The following NRXN3 variants were observed in gnomAD, a reference collection of about 807,000 sequenced individuals.
NRXN3 encodes neurexin III.
NRXN3 carries 32 observed loss-of-function variants against 137.6 expected under a neutral mutation model. The observed-to-expected ratio is 0.23, with a 90% confidence interval of 0.18 to 0.31. The LOEUF (loss-of-function observed/expected upper bound fraction) is 0.31. Among genes scored for constraint, NRXN3 ranks in the 10% least tolerant of loss-of-function variants. The pLI, the probability that NRXN3 is intolerant of heterozygous loss-of-function variation, is 1.00. For missense variants in NRXN3, 1,574 were observed against 2,062.5 expected (o/e 0.76, Z 4.59); for synonymous variants, 798 against 784.5 (o/e 1.02, Z -0.29).
At chr14:79,043,638 C>T (rs754314925) in intron 15 of NRXN3, among the ~76,000 whole-genome samples, 1 of 152,098 alleles carries the variant, frequency 6.6e-6, no homozygotes, top group South Asian at 2.1e-4. Flanking sequence ...GGGACAGCTC[C>T]TGCTGTACAG....
intron 15 of NRXN3, among the ~76,000 whole-genome samples, chr14:79,078,183 CA>C (rs1370103847): frequency 1.3e-5 from 2 of 152,074 alleles, no homozygotes; most frequent in African/African-American, 4.8e-5. Flanking sequence ...AGGGTAAAAT[CA>C]AACTTTAGAG....
intron 15 of NRXN3, among the ~76,000 whole-genome samples, chr14:79,132,226 T>A (rs571588067): frequency 1.3e-5 from 2 of 152,360 alleles, no homozygotes; most frequent in Admixed American, 1.3e-4. Context: ...CTTTAAAAAT[T>A]GATATTCAAT....
intron 16 of NRXN3, among the ~76,000 whole-genome samples, chr14:79,615,690 A>G (rs2098146421): frequency 6.6e-6 from 1 of 152,004 alleles, no homozygotes; most frequent in Non-Finnish European, 1.5e-5. Context: ...TGAAGGGGGG[A>G]AAAGCCCCGT....
intron 16 of NRXN3, among the ~76,000 whole-genome samples, chr14:79,551,233 C>T (rs955527336): frequency 5.9e-5 from 9 of 152,114 alleles, no homozygotes; most frequent in African/African-American, 1.9e-4. Flanking sequence ...CCTTTCTTTC[C>T]CTCTCATTCT....
intron 4 of NRXN3, among the ~76,000 whole-genome samples, chr14:78,478,458 T>G (rs564743551): frequency 6.6e-6 from 1 of 152,274 alleles, no homozygotes; most frequent in South Asian, 2.1e-4. Flanking sequence ...ATAATATTGA[T>G]TATCTCTCTG....
intron 15 of NRXN3, among the ~76,000 whole-genome samples, chr14:79,316,115 AC>A (rs1286243315): frequency 3.3e-5 from 5 of 152,088 alleles, no homozygotes; most frequent in African/African-American, 7.2e-5. Context: ...TTATTTCTTC[AC>A]ACACACACAG....
At chr14:78,868,486 T>C (rs535739339) in intron 10 of NRXN3, among the ~76,000 whole-genome samples, 123 of 152,206 alleles carry the variant, frequency 8.1e-4, no homozygotes, top group African/African-American at 2.7e-3. Flanking sequence ...AAATGCTAGA[T>C]GGAGTTAGTG....
intron 16 of NRXN3, among the ~76,000 whole-genome samples, chr14:79,659,270 T>G (rs965797570): frequency 6.6e-6 from 1 of 152,092 alleles, no homozygotes; most frequent in African/African-American, 2.4e-5. Flanking sequence ...GTTTTTAATA[T>G]CAAGGAAGAA....
intron 15 of NRXN3, chr14:79,298,662 T>C (rs1409390315): frequency 6.6e-6 from 1 of 152,032 alleles, no homozygotes. Flanking sequence ...GCGTAATCAC[T>C]GGGGTTGTAA....
rs2081020588 is a variant in NRXN3 at position 79,280,109 on chromosome 14, T to TC, written c.3263-187111dup. 2.8e-6 allele frequency: 4 copies of TC among 1,407,742 alleles called. No individual in the cohort carries two copies. In the East Asian group the frequency reaches 1.0e-4, roughly 36 times the overall value. The allele number at this position is 1,407,742 out of a possible 1,614,324, so 87.2% of individuals were successfully genotyped here. A position where few individuals can be genotyped will look rare whatever the true frequency, so the allele number is the denominator to read the frequency against. ...CTTTTTGCCTTTTATCTTTTTTTTT[T>TC]CTTTCTTTAAGTAGTAATTTTTTAA... is the stretch of plus-strand genomic sequence containing the variant. On this transcript the variant is annotated intron_variant, in intron 15 of 20. Transcript: ENST00000335750.
chr14:78,633,732 G>A (rs2097543139), intron 4 of NRXN3, among the ~76,000 whole-genome samples: 1 of 152,168 alleles, frequency 6.6e-6, no homozygotes, highest in Non-Finnish European at 1.5e-5. Context: ...CTCCAAACAG[G>A]GTTTTAATCA....
chr14:79,060,731 A>G (rs1378298576), intron 15 of NRXN3, among the ~76,000 whole-genome samples: 1 of 152,072 alleles, frequency 6.6e-6, no homozygotes, highest in Non-Finnish European at 1.5e-5. Context: ...GAATTATGAG[A>G]TCTCTCTTAT....
intron 15 of NRXN3, among the ~76,000 whole-genome samples, chr14:79,447,131 A>G (rs1403331855): frequency 2.0e-5 from 3 of 152,188 alleles, no homozygotes; most frequent in Non-Finnish European, 2.9e-5. Context: ...TAGCAAGGAA[A>G]TGTTTGTTCT....
intron 8 of NRXN3, among the ~76,000 whole-genome samples, chr14:78,786,815 A>G (rs1416805991): frequency 6.6e-6 from 1 of 152,166 alleles, no homozygotes; most frequent in East Asian, 1.9e-4. Context: ...TGATTTTGGA[A>G]GCAGGATTCC....
At chr14:79,445,026 T>C (rs1326229068) in intron 15 of NRXN3, among the ~76,000 whole-genome samples, 1 of 152,092 alleles carries the variant, frequency 6.6e-6, no homozygotes, top group Non-Finnish European at 1.5e-5. Flanking sequence ...GATCTTATTT[T>C]TAAAAATGAA....
chr14:79,077,519 G>T (rs552313752), intron 15 of NRXN3, among the ~76,000 whole-genome samples: 10 of 152,078 alleles, frequency 6.6e-5, no homozygotes, highest in Middle Eastern at 3.4e-3. Flanking sequence ...TTTTATCAAA[G>T]ATATGTACTA....
At chr14:79,273,945 A>G (rs1014600123) in intron 15 of NRXN3, among the ~76,000 whole-genome samples, 4 of 151,780 alleles carry the variant, frequency 2.6e-5, no homozygotes, top group Non-Finnish European at 5.9e-5. Context: ...ATATACAAAA[A>G]AATTAGCCGG....
intron 16 of NRXN3, among the ~76,000 whole-genome samples, chr14:79,639,895 A>G (rs1188584082): frequency 7.0e-6 from 1 of 142,862 alleles, no homozygotes; most frequent in Non-Finnish European, 1.5e-5. Context: ...CCCCACCATC[A>G]GCCCCAAGGA....
chr14:78,398,581 T>TA (rs1370138005), intron 4 of NRXN3, among the ~76,000 whole-genome samples: 1 of 152,118 alleles, frequency 6.6e-6, no homozygotes, highest in Non-Finnish European at 1.5e-5. Flanking sequence ...CCTCCATTGA[T>TA]ACCTCCCTAT....
Sources: allele counts gnomAD v4.1 joint callset (sites outside exome capture counted in the v4.1 genomes callset), GRCh38; gene constraint gnomAD v4.1.1; transcripts MANE v1.5; gene names NCBI Gene and HGNC (gene_info 2026-07-23, HGNC 2026-07-21).